The following GRM5 variants were observed in gnomAD, a reference collection of about 807,000 sequenced individuals.
GRM5 encodes glutamate metabotropic receptor 5, also known as metabotropic glutamate receptor 5.
GRM5 carries 19 observed loss-of-function variants against 83.1 expected under a neutral mutation model. That is an observed-to-expected ratio of 0.23 (90% CI 0.16 to 0.34). The LOEUF is 0.34. Ranked by LOEUF, GRM5 falls within the 10% of genes least tolerant of loss-of-function variation. GRM5 has a pLI of 1.00. For missense variants in GRM5, 1,160 were observed against 1,588.3 expected (o/e 0.73, Z 4.58); for synonymous variants, 675 against 633.6 (o/e 1.07, Z -0.98).
intron 6 of GRM5, 32 bp downstream of exon 6, chr11:88,597,152 C>T (rs1283278933): frequency 2.8e-6 from 4 of 1,434,608 alleles, no homozygotes; most frequent in Non-Finnish European, 3.8e-6. Context: ...GAATTTACAA[C>T]AAAAATGAAA....
chr11:88,632,430 C>T (rs1939001210), intron 4 of GRM5, among the ~76,000 whole-genome samples: 1 of 151,824 alleles, frequency 6.6e-6, no homozygotes, highest in African/African-American at 2.4e-5. Context: ...GTCGGGGTCT[C>T]CCTATGTTAC....
At chr11:88,986,255 T>C (rs959472632) in intron 2 of GRM5, among the ~76,000 whole-genome samples, 1 of 152,138 alleles carries the variant, frequency 6.6e-6, no homozygotes, top group Non-Finnish European at 1.5e-5. Context: ...AGGTCATATA[T>C]TGTATGGTTC....
chr11:88,512,966 T>C (rs951419897), intron 9 of GRM5, among the ~76,000 whole-genome samples: 3 of 152,218 alleles, frequency 2.0e-5, no homozygotes, highest in African/African-American at 7.2e-5. Context: ...ATCCGTGGCC[T>C]CTTCACACCC....
chr11:88,534,992 C>T (rs1942101821), intron 8 of GRM5, among the ~76,000 whole-genome samples: 1 of 152,164 alleles, frequency 6.6e-6, no homozygotes, highest in South Asian at 2.1e-4. Flanking sequence ...CTTGCTTCTC[C>T]TTGCCTTCTG....
chr11:88,771,393 C>G (rs908905352), intron 3 of GRM5, among the ~76,000 whole-genome samples: 23 of 152,064 alleles, frequency 1.5e-4, no homozygotes, highest in Admixed American at 7.2e-4. Flanking sequence ...GCCTTCATTC[C>G]ACGGCTGAAG....
At chr11:88,619,287 G>A (rs1938568940) in intron 4 of GRM5, among the ~76,000 whole-genome samples, 1 of 152,196 alleles carries the variant, frequency 6.6e-6, no homozygotes, top group Non-Finnish European at 1.5e-5. Flanking sequence ...TTTACAAGCT[G>A]AAGAAAGGAA....
chr11:89,025,915 A>G (rs1050629863), intron 2 of GRM5, among the ~76,000 whole-genome samples: 3 of 152,214 alleles, frequency 2.0e-5, no homozygotes, highest in Non-Finnish European at 1.5e-5. Flanking sequence ...CACAATAGCA[A>G]AGACATAGAA....
chr11:88,959,730 CAG>C (rs1938727762), intron 2 of GRM5, among the ~76,000 whole-genome samples: 1 of 152,040 alleles, frequency 6.6e-6, no homozygotes, highest in Admixed American at 6.6e-5. Context: ...TTGAGTCAGC[CAG>C]AGACACAGAG....
chr11:88,994,465 ATATATAT>A (rs1940107272), intron 2 of GRM5, among the ~76,000 whole-genome samples: 2 of 102,376 alleles, frequency 2.0e-5, no homozygotes, highest in African/African-American at 8.9e-5. Flanking sequence ...ATATATATAT[ATATATAT>A]ATATATATAT....
chr11:88,885,041 A>G (rs1220867676), intron 2 of GRM5, among the ~76,000 whole-genome samples: 5 of 152,136 alleles, frequency 3.3e-5, no homozygotes, highest in African/African-American at 7.2e-5. Flanking sequence ...ACTCATTCCT[A>G]AGATCTGAAA....
intron 2 of GRM5, among the ~76,000 whole-genome samples, chr11:89,022,727 G>T (rs1393832957): frequency 6.6e-6 from 1 of 152,122 alleles, no homozygotes; most frequent in African/African-American, 2.4e-5. Flanking sequence ...TTCCTTACTA[G>T]TCTGGCCTGG....
chr11:89,037,417 A>C (rs897828093), intron 2 of GRM5, among the ~76,000 whole-genome samples: 8 of 152,048 alleles, frequency 5.3e-5, no homozygotes, highest in Non-Finnish European at 8.8e-5. Context: ...CCAATTATTT[A>C]CATAATTGGT....
chr11:88,693,313 T>G (rs536358408), intron 3 of GRM5, among the ~76,000 whole-genome samples: 1 of 152,028 alleles, frequency 6.6e-6, no homozygotes, highest in Non-Finnish European at 1.5e-5. Context: ...TAAATGAACA[T>G]GTATAAAGGC....
intron 3 of GRM5, among the ~76,000 whole-genome samples, chr11:88,821,119 C>A (rs1455792651): frequency 6.6e-6 from 1 of 151,988 alleles, no homozygotes; most frequent in Admixed American, 6.6e-5. Context: ...GGCTCTACAT[C>A]AGTGTTAAAA....
rs753828707 is a variant in GRM5 at position 88,507,669 on chromosome 11, G to T, written c.*923C>A. The T allele has an allele frequency of 1.3e-5, 2 of 152,344 alleles. No homozygotes were observed. The highest frequency in any genetic ancestry group is 2.9e-5 in the Non-Finnish European group (2 of 68,038). 9.4% of individuals were successfully genotyped at this position (152,344 alleles called of 1,614,324 possible). A position where few individuals can be genotyped will look rare whatever the true frequency, so the allele number is the denominator to read the frequency against. ...GCAAACGCAACAGCATTCCTAAAGA[G>T]TGGCCATGTTTCTTGAAAGAGATAG... On this transcript the variant is annotated 3_prime_UTR_variant, in exon 10 of 10. Coordinates refer to ENST00000305447, the MANE Select transcript of GRM5 (RefSeq NM_001143831.3).
chr11:88,992,349 T>A (rs1179435157), intron 2 of GRM5, among the ~76,000 whole-genome samples: 1 of 151,614 alleles, frequency 6.6e-6, no homozygotes, highest in East Asian at 1.9e-4. Flanking sequence ...ATGGTGATCA[T>A]TAAAAAGTCA....
chr11:89,059,487 TAGGTCAGTATC>T (rs1941944483), intron 1 of GRM5, among the ~76,000 whole-genome samples: 2 of 152,150 alleles, frequency 1.3e-5, no homozygotes, highest in Admixed American at 6.6e-5. Context: ...TTGTAAGCTG[TAGGTCAGTATC>T]ATAAAAGTTT....
chr11:88,831,012 C>G (rs1326385778), intron 3 of GRM5, among the ~76,000 whole-genome samples: 1 of 151,894 alleles, frequency 6.6e-6, no homozygotes, highest in Non-Finnish European at 1.5e-5. Flanking sequence ...GATTCAATTA[C>G]CCCCCACCGA....
At chr11:88,676,426 C>A (rs1275651434) in intron 3 of GRM5, among the ~76,000 whole-genome samples, 1 of 152,040 alleles carries the variant, frequency 6.6e-6, no homozygotes, top group Non-Finnish European at 1.5e-5. Flanking sequence ...ACCCCATACA[C>A]ACTTGAAGTT....
Sources: gnomAD v4.1 joint callset for allele counts (sites outside exome capture counted in the v4.1 genomes callset) on GRCh38, gnomAD v4.1.1 for gene constraint, MANE v1.5 for transcripts, NCBI Gene and HGNC (gene_info 2026-07-23, HGNC 2026-07-21) for gene names.